Variants in XKR6 observed in about 807,000 individuals in gnomAD.
XKR6 encodes the protein XK related 6.
Under a neutral mutation model 56.7 loss-of-function variants are expected in XKR6, and 22 were observed. That is an observed-to-expected ratio of 0.39 (90% CI 0.28 to 0.55). The LOEUF (loss-of-function observed/expected upper bound fraction) is 0.55. Among genes scored for constraint, XKR6 ranks in the 20% least tolerant of loss-of-function variants. XKR6 has a pLI of 0.66. For synonymous variants in XKR6, 524 were observed against 387.8 expected (o/e 1.35, Z -4.13); for missense variants, 852 against 889.0 (o/e 0.96, Z 0.53).
At chr8:11,057,341 G>A (rs1799711147) in intron 1 of XKR6, among the ~76,000 whole-genome samples, 1 of 152,168 alleles carries the variant, frequency 6.6e-6, no homozygotes, top group Non-Finnish European at 1.5e-5. Flanking sequence ...GCTTGCATGA[G>A]AGGGCTTTTT....
chr8:10,959,346 G>A (rs566535811), intron 1 of XKR6, among the ~76,000 whole-genome samples: 2 of 152,284 alleles, frequency 1.3e-5, no homozygotes, highest in East Asian at 3.9e-4. Context: ...GGGCATAGGA[G>A]AAATGGGTAG....
chr8:10,923,370 G>T (rs1800780731), intron 2 of XKR6, among the ~76,000 whole-genome samples: 1 of 151,840 alleles, frequency 6.6e-6, no homozygotes, highest in Non-Finnish European at 1.5e-5. Context: ...CCTCCATTGA[G>T]GGCTGTTCTG....
chr8:11,091,351 T>C (rs1807850473), intron 1 of XKR6, among the ~76,000 whole-genome samples: 1 of 151,928 alleles, frequency 6.6e-6, no homozygotes, highest in South Asian at 2.1e-4. Flanking sequence ...GGTAGGAGGA[T>C]CACTTGAGCC....
intron 2 of XKR6, among the ~76,000 whole-genome samples, chr8:10,910,187 C>T (rs1800309832): frequency 6.6e-6 from 1 of 152,082 alleles, no homozygotes; most frequent in Non-Finnish European, 1.5e-5. Context: ...TACTGCAATG[C>T]TCTGGAAAGC....
chr8:10,926,400 C>T (rs937044835), intron 1 of XKR6, among the ~76,000 whole-genome samples: 8 of 152,110 alleles, frequency 5.3e-5, no homozygotes, highest in South Asian at 2.1e-4. Context: ...GAGGGGTGCC[C>T]GGCTTCTCTC....
At chr8:11,047,705 T>C (rs11989589) in intron 1 of XKR6, among the ~76,000 whole-genome samples, 11,365 of 152,302 alleles carry the variant, frequency 0.075, 1,414 homozygotes, top group African/African-American at 0.26. Flanking sequence ...ATAGTGGTGA[T>C]GGTTGCACAA....
chr8:11,104,010 G>A (rs565191038), intron 1 of XKR6, among the ~76,000 whole-genome samples: 1 of 152,058 alleles, frequency 6.6e-6, no homozygotes, highest in Non-Finnish European at 1.5e-5. Flanking sequence ...AATATCCCTC[G>A]TACCAATTTC....
chr8:11,082,209 G>C (rs888019645), intron 1 of XKR6, among the ~76,000 whole-genome samples: 1 of 152,152 alleles, frequency 6.6e-6, no homozygotes, highest in Non-Finnish European at 1.5e-5. Flanking sequence ...CTGTTTGTTC[G>C]GGGGGCATCT....
At chr8:11,137,644 A>G (rs1457455827) in intron 1 of XKR6, 7 of 456,150 alleles carry the variant, frequency 1.5e-5, no homozygotes, top group African/African-American at 2.0e-5. Flanking sequence ...TGGAAACACC[A>G]TGCCATGGTG....
chr8:10,950,763 G>C (rs1586345058), intron 1 of XKR6, among the ~76,000 whole-genome samples: 1 of 152,190 alleles, frequency 6.6e-6, no homozygotes, highest in African/African-American at 2.4e-5. Context: ...TGGCTTGCTG[G>C]CCAAACCTTC....
intron 1 of XKR6, among the ~76,000 whole-genome samples, chr8:11,039,866 G>T (rs559078059): frequency 1.1e-4 from 16 of 152,356 alleles, no homozygotes; most frequent in South Asian, 6.2e-4. Context: ...GGGGACAGCT[G>T]CTCTCCAAAG....
At chr8:11,068,520 G>C (rs1800037495) in intron 1 of XKR6, among the ~76,000 whole-genome samples, 1 of 152,062 alleles carries the variant, frequency 6.6e-6, no homozygotes, top group African/African-American at 2.4e-5. Flanking sequence ...TTCCCTGCCT[G>C]CTGCTCCGTG....
At chr8:11,042,078 C>T (rs1372510393) in intron 1 of XKR6, among the ~76,000 whole-genome samples, 1 of 152,178 alleles carries the variant, frequency 6.6e-6, no homozygotes, top group Non-Finnish European at 1.5e-5. Flanking sequence ...AGTACACATG[C>T]ACCTGTCTGA....
chr8:11,012,664 T>C (rs907340282), intron 1 of XKR6, among the ~76,000 whole-genome samples: 22 of 141,136 alleles, frequency 1.6e-4, no homozygotes, highest in African/African-American at 5.8e-4. Flanking sequence ...TGTCCTCTCC[T>C]TTTCCTCCAA....
intron 1 of XKR6, among the ~76,000 whole-genome samples, chr8:11,089,520 C>A (rs965894964): frequency 5.3e-5 from 8 of 151,996 alleles, no homozygotes; most frequent in African/African-American, 1.9e-4. Context: ...GCTTATAGTC[C>A]CAGCTACAAG....
intron 1 of XKR6, among the ~76,000 whole-genome samples, chr8:10,960,992 G>T (rs1802043046): frequency 2.0e-5 from 3 of 152,188 alleles, no homozygotes; most frequent in Non-Finnish European, 4.4e-5. Context: ...AGGAGCATTT[G>T]TCCTGAACAC....
chr8:10,989,532 TC>T (rs1268301014), intron 1 of XKR6, among the ~76,000 whole-genome samples: 2 of 152,248 alleles, frequency 1.3e-5, no homozygotes, highest in Admixed American at 6.5e-5. Context: ...ATGATGGCTT[TC>T]ACCATATAGC....
intron 1 of XKR6, among the ~76,000 whole-genome samples, chr8:11,130,646 A>C (rs1800060046): frequency 6.6e-6 from 1 of 151,588 alleles, no homozygotes; most frequent in African/African-American, 2.4e-5. Flanking sequence ...ATCCCCACCT[A>C]AGGATGATGT....
chr8:11,112,310 C>T (rs11984987), intron 1 of XKR6, among the ~76,000 whole-genome samples: 21,732 of 152,024 alleles, frequency 0.14, 4,979 homozygotes, highest in African/African-American at 0.48. Context: ...CGAGTAATAG[C>T]GGTTACAGTC....
Sources: allele counts gnomAD v4.1 joint callset (sites outside exome capture counted in the v4.1 genomes callset), GRCh38; gene constraint gnomAD v4.1.1; transcripts MANE v1.5; gene names NCBI Gene and HGNC (gene_info 2026-07-23, HGNC 2026-07-21).